The following ANKRD28 variants were observed in gnomAD, a reference collection of about 807,000 sequenced individuals.
ANKRD28 encodes the protein serine/threonine-protein phosphatase 6 regulatory ankyrin repeat subunit A.
Under a neutral mutation model 126.5 loss-of-function variants are expected in ANKRD28, and 44 were observed. The observed-to-expected ratio is 0.35, with a 90% CI of 0.27 to 0.45. The LOEUF (loss-of-function observed/expected upper bound fraction) is 0.45, where lower values mean the gene tolerates loss of function less well. Among genes scored for constraint, ANKRD28 ranks in the 20% least tolerant of loss-of-function variants. The probability of loss-of-function intolerance (pLI) is 1.00; values close to 1 mark genes in which losing one functional copy is unlikely to be tolerated. For synonymous variants in ANKRD28, 442 were observed against 468.5 expected (o/e 0.94, Z 0.73); for missense variants, 1,110 against 1,316.6 (o/e 0.84, Z 2.43).
intron 1 of ANKRD28, among the ~76,000 whole-genome samples, chr3:15,803,764 T>C (rs1245289508): frequency 1.7e-5 from 2 of 119,584 alleles, no homozygotes; most frequent in Non-Finnish European, 3.4e-5. Flanking sequence ...TTTAAGAAAT[T>C]TGGGACTTTT....
intron 10 of ANKRD28, among the ~76,000 whole-genome samples, chr3:15,713,016 C>T (rs771031468): frequency 7.2e-5 from 11 of 152,110 alleles, no homozygotes; most frequent in Admixed American, 7.2e-4. Flanking sequence ...CAGGAGGACT[C>T]ATCTTTCAAA....
chr3:15,693,516 A>G lies in ANKRD28; in HGVS notation c.1761+1223T>C, dbSNP rs564463192. Among the ~76,000 whole-genome samples, 5 of 152,316 alleles carry G rather than the reference A, an allele frequency of 3.3e-5. No homozygotes were observed. In the South Asian group the frequency reaches 6.2e-4, roughly 19 times the overall value. On this transcript the variant is annotated intron_variant, in intron 17 of 27. Coordinates refer to ENST00000683139, the MANE Select transcript of ANKRD28 (RefSeq NM_001349278.2). ...ACTGCAGGGCTTTTGGGAGTCTTTA[A>G]TATGCTACTAGTTGAATCTCCACAA...
chr3:15,789,356 A>T (rs189747566), intron 2 of ANKRD28, among the ~76,000 whole-genome samples: 5 of 152,188 alleles, frequency 3.3e-5, no homozygotes, highest in Admixed American at 3.3e-4. Flanking sequence ...CTGGTGAATT[A>T]GTTTAGAGTA....
intron 6 of ANKRD28, 53 bp from the exon 7 acceptor site, chr3:15,724,577 A>G: frequency 6.8e-7 from 1 of 1,474,750 alleles, no homozygotes; most frequent in Non-Finnish European, 9.1e-7. Flanking sequence ...GAAAACTATT[A>G]AATATAATCC....
intron 2 of ANKRD28, among the ~76,000 whole-genome samples, chr3:15,793,704 G>A (rs1329740619): frequency 6.6e-6 from 1 of 152,140 alleles, no homozygotes; most frequent in Non-Finnish European, 1.5e-5. Flanking sequence ...TACCCCTTGA[G>A]CTATTTTCTA....
intron 2 of ANKRD28, among the ~76,000 whole-genome samples, chr3:15,787,394 T>C (rs1342626692): frequency 6.6e-6 from 1 of 152,134 alleles, no homozygotes; most frequent in East Asian, 1.9e-4. Context: ...ATTTACAAAT[T>C]TGAAACTGGA....
intron 2 of ANKRD28, among the ~76,000 whole-genome samples, chr3:15,792,711 T>C (rs1340515521): frequency 1.3e-5 from 2 of 152,178 alleles, no homozygotes; most frequent in Non-Finnish European, 1.5e-5. Flanking sequence ...AATAATGTAA[T>C]TGGAATGTTT....
intron 4 of ANKRD28, among the ~76,000 whole-genome samples, chr3:15,748,900 TTTTC>T (rs1251414155): frequency 2.0e-5 from 3 of 152,070 alleles, no homozygotes; most frequent in Admixed American, 6.5e-5. Flanking sequence ...AAAAAATTTT[TTTTC>T]TTTGTCTTTG....
intron 2 of ANKRD28, among the ~76,000 whole-genome samples, chr3:15,793,923 A>T (rs2060150577): frequency 6.6e-6 from 1 of 152,090 alleles, no homozygotes; most frequent in African/African-American, 2.4e-5. Context: ...CACAAAAATT[A>T]ATCGGGCGTG....
intron 1 of ANKRD28, among the ~76,000 whole-genome samples, chr3:15,795,677 C>T (rs1486932157): frequency 6.6e-6 from 1 of 152,010 alleles, no homozygotes; most frequent in Non-Finnish European, 1.5e-5. Flanking sequence ...CAATTTCCAG[C>T]CCATGAAGGA....
chr3:15,743,322 CCT>C (rs1575491451), intron 4 of ANKRD28, among the ~76,000 whole-genome samples: 1 of 152,096 alleles, frequency 6.6e-6, no homozygotes, highest in East Asian at 1.9e-4. Context: ...GCCAAATCCC[CCT>C]CTGTGAGAAA....
intron 4 of ANKRD28, among the ~76,000 whole-genome samples, chr3:15,738,109 TA>T (rs1325618199): frequency 4.6e-5 from 7 of 152,292 alleles, no homozygotes; most frequent in African/African-American, 1.7e-4. Flanking sequence ...TAATCAGAAC[TA>T]AACTCAACAA....
intron 17 of ANKRD28, 127 bp downstream of exon 17, chr3:15,694,612 T>G (rs529344929): frequency 1.7e-6 from 1 of 601,390 alleles, no homozygotes; most frequent in Non-Finnish European, 2.7e-6. Context: ...TTCTCAAAGT[T>G]TTAATTCCAT....
chr3:15,677,398 G>T, intron 25 of ANKRD28, 82 bp downstream of exon 25: 2 of 999,670 alleles, frequency 2.0e-6, no homozygotes, highest in Non-Finnish European at 3.1e-6. Context: ...GTCCTGAGTT[G>T]TTCATTTTAG....
At chr3:15,689,893 TATATGATTTGAAA>T in intron 18 of ANKRD28, 113 bp downstream of exon 18, 1 of 802,324 alleles carries the variant, frequency 1.2e-6, no homozygotes, top group South Asian at 2.0e-5. Flanking sequence ...AAATAATCCA[TATATGATTTGAAA>T]AAAAAAAAGG....
chr3:15,735,408 A>C lies in ANKRD28; in HGVS notation c.640+2T>G. On this transcript the variant is annotated splice_donor_variant, in intron 6 of 27. Transcript: ENST00000683139. LOFTEE classifies it high-confidence loss of function. Reference sequence around the variant, plus strand: ...CAAAAACTAAATTTAAAAAGTACATACCCATATATGCTGCCCAATGGATAG... The same window carrying C: ...CAAAAACTAAATTTAAAAAGTACATCCCCATATATGCTGCCCAATGGATAG... The C allele has an allele frequency of 6.5e-7, 1 of 1,548,414 alleles. No homozygotes were observed. The highest frequency in any genetic ancestry group is 8.7e-7 in the Non-Finnish European group (1 of 1,144,872).
chr3:15,818,111 T>C (rs2060870554), intron 1 of ANKRD28, among the ~76,000 whole-genome samples: 1 of 152,030 alleles, frequency 6.6e-6, no homozygotes, highest in African/African-American at 2.4e-5. Flanking sequence ...AGAGACAACG[T>C]AAAGAAAACA....
intron 4 of ANKRD28, among the ~76,000 whole-genome samples, chr3:15,746,941 CAGG>C (rs2057515357): frequency 1.3e-5 from 2 of 152,064 alleles, no homozygotes; most frequent in South Asian, 4.1e-4. Context: ...TGGATATTTC[CAGG>C]AGTTTATCCA....
Position 15,749,095 on chromosome 3 carries a change from G to GTTTTTTTTTTTTTTTTTTTTTTTTT in ANKRD28, c.351+2654_351+2655insAAAAAAAAAAAAAAAAAAAAAAAAA, listed in dbSNP as rs1357402514. ...ATTTTCCTTTCATATTCTATATTAT[G>GTTTTTTTTTTTTTTTTTTTTTTTTT]TTTTTGTTTTTTTTTTTTTTTTTTT... On this transcript the variant is annotated intron_variant, in intron 4 of 27. Coordinates refer to ENST00000683139, the MANE Select transcript of ANKRD28 (RefSeq NM_001349278.2). 1.9e-5 allele frequency among the ~76,000 whole-genome samples: 2 copies of GTTTTTTTTTTTTTTTTTTTTTTTTT among 106,994 alleles called. 1 individual carries two copies. The highest frequency in any genetic ancestry group is 1.9e-4 in the Admixed American group (2 of 10,348). The allele number at this position is 106,994 out of a possible 152,430, so 70.2% of individuals were successfully genotyped here.
Sources: gnomAD v4.1 joint callset for allele counts (sites outside exome capture counted in the v4.1 genomes callset) on GRCh38, gnomAD v4.1.1 for gene constraint, MANE v1.5 for transcripts, NCBI Gene and HGNC (gene_info 2026-07-23, HGNC 2026-07-21) for gene names.